HIVEP3: variants seen among roughly 807,000 people sequenced by gnomAD.
HIVEP3 encodes HIVEP zinc finger 3.
Under a neutral mutation model 152.8 loss-of-function variants are expected in HIVEP3, and 49 were observed. The ratio of observed to expected loss-of-function variants is 0.32; its 90% CI spans 0.26 to 0.41. The LOEUF is 0.41. Among genes scored for constraint, HIVEP3 ranks in the 10% least tolerant of loss-of-function variants. The probability of loss-of-function intolerance (pLI) is 1.00; values close to 1 mark genes in which losing one functional copy is unlikely to be tolerated. For synonymous variants in HIVEP3, 1,269 were observed against 1,289.0 expected (o/e 0.98, Z 0.33); for missense variants, 2,790 against 3,103.3 (o/e 0.90, Z 2.40).
At chr1:41,579,691 T>G in intron 4 of HIVEP3, 46 bp downstream of exon 4, 9 of 1,511,686 alleles carry the variant, frequency 6.0e-6, no homozygotes, top group African/African-American at 1.4e-5. Context: ...GCTCGCCAAG[T>G]GCTTTTGCAA....
intron 1 of HIVEP3, among the ~76,000 whole-genome samples, chr1:41,879,376 T>C (rs1412547934): frequency 6.6e-6 from 1 of 152,234 alleles, no homozygotes; most frequent in East Asian, 1.9e-4. Flanking sequence ...CTATAAGGGT[T>C]GGTTTCCCCT....
intron 2 of HIVEP3, among the ~76,000 whole-genome samples, chr1:41,688,472 G>A (rs1430860325): frequency 6.6e-6 from 1 of 152,146 alleles, no homozygotes; most frequent in Admixed American, 6.5e-5. Context: ...CCTCTTTCTG[G>A]GATCCAGGTT....
chr1:41,518,651 C>T (rs375734257), intron 6 of HIVEP3, among the ~76,000 whole-genome samples, 163 bp from the exon 7 acceptor site: 4 of 152,130 alleles, frequency 2.6e-5, no homozygotes, highest in East Asian at 3.9e-4. Context: ...CCCTCTGCCC[C>T]GGTGCTCAGG....
At chr1:41,926,631 CTA>C (rs1380936089) in intron 1 of HIVEP3, among the ~76,000 whole-genome samples, 3 of 152,138 alleles carry the variant, frequency 2.0e-5, no homozygotes, top group Admixed American at 1.3e-4. Flanking sequence ...GGAGAGCTTA[CTA>C]TGTTCCAGTC....
At position 41,510,881 on chromosome 1, in the gene HIVEP3, G is replaced by T; in HGVS notation, c.6791C>A (p.Thr2264Lys). ...VSPVAKVSKF[T>K]LSSELEGGDY... The stretch of plus-strand genomic sequence containing the variant: ...CCCGCCCTCCAGCTCTGAGGAGAGT[G>T]TGAATTTGGAGACCTTAGCCACAGG... The change falls in exon 9 of 9, where the codon ACA (threonine) becomes AAA (lysine). Residue 2264 changes from threonine (T) to lysine (K), a missense_variant. Physicochemically the swap from Thr to Lys is moderately conservative, Grantham distance 78. This residue lies in a region of HIVEP3 where 816 missense variants were observed against 806.5 expected (regional missense o/e 1.01). Transcript: ENST00000372583. 1.2e-6 allele frequency: 2 copies of T among 1,613,494 alleles called. No individual in the cohort carries two copies. The highest frequency in any genetic ancestry group is 1.7e-6 in the Non-Finnish European group (2 of 1,179,888).
At chr1:41,762,714 T>G (rs1482953984) in intron 1 of HIVEP3, among the ~76,000 whole-genome samples, 3 of 152,222 alleles carry the variant, frequency 2.0e-5, no homozygotes, top group Admixed American at 6.5e-5. Flanking sequence ...TGCCATGGGC[T>G]GAGTGCGCTG....
At chr1:41,680,482 T>A (rs1328846816) in intron 2 of HIVEP3, among the ~76,000 whole-genome samples, 2 of 152,178 alleles carry the variant, frequency 1.3e-5, no homozygotes, top group Non-Finnish European at 2.9e-5. Flanking sequence ...AGCCTATAGT[T>A]CCAAGGCCAT....
At chr1:41,714,454 A>C (rs569448871) in intron 1 of HIVEP3, among the ~76,000 whole-genome samples, 2 of 152,330 alleles carry the variant, frequency 1.3e-5, no homozygotes, top group South Asian at 4.1e-4. Context: ...TGACTGGATA[A>C]AGAAATTAAT....
In HIVEP3 at chr1:41,584,253, T is replaced by A. The variant is rs752726736; in HGVS notation, c.545A>T (p.Lys182Met). 3.1e-6 allele frequency: 5 copies of A among 1,613,544 alleles called. No homozygotes were observed. In the East Asian group the frequency reaches 8.9e-5, roughly 29 times the overall value. The change falls in exon 4 of 9, where the codon AAG (lysine) becomes ATG (methionine). Residue 182 changes from lysine (K) to methionine (M), a missense_variant. Transcript: ENST00000372583. The surrounding 1 kb of genome is among the most constrained non-coding windows in gnomAD (Gnocchi z 5.2). Reference sequence around the variant, plus strand: ...GCCTGGCTTCTGGGGCTTCCTCTCCTTCTTGTGTGCCTCTTCTGTGGGCTT... The same window carrying A: ...GCCTGGCTTCTGGGGCTTCCTCTCCATCTTGTGTGCCTCTTCTGTGGGCTT... ...SLKPTEEAHK[K>M]ERKPQKPGKY...
intron 5 of HIVEP3, among the ~76,000 whole-genome samples, chr1:41,558,355 A>G (rs2475838): frequency 0.56 from 85,780 of 152,076 alleles, 24,554 homozygotes; most frequent in Middle Eastern, 0.65. Context: ...TGGTTAGACT[A>G]GCGTAAGCTA....
intron 3 of HIVEP3, among the ~76,000 whole-genome samples, chr1:41,601,918 C>G (rs1041000616): frequency 1.3e-5 from 2 of 152,188 alleles, no homozygotes; most frequent in African/African-American, 4.8e-5. Flanking sequence ...TACTTTCCCT[C>G]TAGTCTTAGT....
At chr1:41,762,771 C>T (rs1198239899) in intron 1 of HIVEP3, among the ~76,000 whole-genome samples, 3 of 152,232 alleles carry the variant, frequency 2.0e-5, no homozygotes, top group African/African-American at 7.2e-5. Context: ...CAGGCACAGC[C>T]TGGTGGTTTG....
intron 1 of HIVEP3, among the ~76,000 whole-genome samples, chr1:41,782,197 C>T (rs994074362): frequency 3.9e-5 from 6 of 152,156 alleles, no homozygotes; most frequent in Admixed American, 1.3e-4. Flanking sequence ...AAGAGAAATA[C>T]GCCAGTCACA....
At chr1:42,034,281 A>G (rs139247236) in intron 1 of HIVEP3, among the ~76,000 whole-genome samples, 2,442 of 152,342 alleles carry the variant, frequency 0.016, 40 homozygotes, top group Non-Finnish European at 0.021. Context: ...TAAATTTTTA[A>G]AAAAATCTTA....
chr1:41,812,180 TC>T (rs1650998476), intron 1 of HIVEP3, among the ~76,000 whole-genome samples: 1 of 152,192 alleles, frequency 6.6e-6, no homozygotes, highest in Non-Finnish European at 1.5e-5. Flanking sequence ...CTAGAGGCAG[TC>T]CTTCCCTTTA....
chr1:41,808,113 C>T (rs1225058620), intron 1 of HIVEP3, among the ~76,000 whole-genome samples: 1 of 152,250 alleles, frequency 6.6e-6, no homozygotes, highest in Non-Finnish European at 1.5e-5. Flanking sequence ...TTAATCTTCA[C>T]AACAACCCTA....
intron 1 of HIVEP3, among the ~76,000 whole-genome samples, chr1:41,897,938 G>GGGGA (rs1249949745): frequency 1.5e-5 from 2 of 130,000 alleles, no homozygotes; most frequent in Non-Finnish European, 1.6e-5. Context: ...TGAGAGAGAG[G>GGGGA]GAGAGAGAGA....
At position 41,513,314 on chromosome 1, in the gene HIVEP3, C is replaced by A. The variant is rs764144133; in HGVS notation, c.5907G>T (p.Trp1969Cys). The change falls in exon 8 of 9, where the codon TGG becomes TGT. Residue 1969 changes from tryptophan to cysteine, a missense_variant. Coordinates refer to ENST00000372583, the MANE Select transcript of HIVEP3 (RefSeq NM_024503.5). Reference protein sequence around the residue: ...SYKPVSPRRPWSPSKEAGSRP... With the variant: ...SYKPVSPRRPCSPSKEAGSRP... The stretch of plus-strand genomic sequence containing the variant: ...GGCTGCCTGCTTCTTTGCTTGGGGA[C>A]CACGGTCTTCTTGGGGACACAGGCT... 2.0e-5 allele frequency: 33 copies of A among 1,612,964 alleles called. No individual in the cohort carries two copies. In the Admixed American group the frequency reaches 5.5e-4, roughly 27 times the overall value.
At chr1:41,849,983 C>G (rs1643550748) in intron 1 of HIVEP3, among the ~76,000 whole-genome samples, 1 of 152,288 alleles carries the variant, frequency 6.6e-6, no homozygotes, top group Admixed American at 6.5e-5. Context: ...GACACCACGC[C>G]TGGCCGGTAG....
Sources: gnomAD v4.1 joint callset for allele counts (sites outside exome capture counted in the v4.1 genomes callset) on GRCh38, gnomAD v4.1.1 for gene constraint, gnomAD v4.1.1 regional missense constraint, Gnocchi (gnomAD v3.1) non-coding constraint, MANE v1.5 for transcripts, NCBI Gene and HGNC (gene_info 2026-07-23, HGNC 2026-07-21) for gene names.